Variants in BLMH observed in about 807,000 individuals in gnomAD.
BLMH encodes BLM hydrolase.
A neutral mutation model predicts 61.6 loss-of-function variants in BLMH; 32 were observed. The observed-to-expected ratio is 0.52, with a 90% CI of 0.39 to 0.70. The LOEUF is 0.70. Ranked by LOEUF, BLMH falls within the 30% of genes least tolerant of loss-of-function variation. BLMH has a pLI of 0.00. For synonymous variants in BLMH, 183 were observed against 193.8 expected (o/e 0.94, Z 0.46); for missense variants, 460 against 555.5 (o/e 0.83, Z 1.73).
chr17:30,268,642 G>A (rs1908175037), intron 10 of BLMH, among the ~76,000 whole-genome samples: 1 of 151,628 alleles, frequency 6.6e-6, no homozygotes, highest in South Asian at 2.1e-4. Context: ...CTGAAAAATA[G>A]GAGTATTCTA....
chr17:30,273,165 A>ATT (rs35833844), intron 7 of BLMH: 839 of 193,004 alleles, frequency 4.3e-3, no homozygotes, highest in Middle Eastern at 8.3e-3. Flanking sequence ...TCCAAAAGCA[A>ATT]TTTTTTTTTT....
chr17:30,255,897 A>C (rs1481274347), intron 11 of BLMH, among the ~76,000 whole-genome samples: 1 of 151,936 alleles, frequency 6.6e-6, no homozygotes, highest in Admixed American at 6.6e-5. Flanking sequence ...ACTCCGTCTC[A>C]AAAAAAAGAG....
intron 11 of BLMH, among the ~76,000 whole-genome samples, chr17:30,256,353 G>A (rs1907814583): frequency 6.6e-6 from 1 of 152,188 alleles, no homozygotes. Flanking sequence ...TTTGGAGGCA[G>A]AGTCTTGCTC....
chr17:30,263,332 T>A (rs1311185158), intron 11 of BLMH, among the ~76,000 whole-genome samples: 1 of 152,198 alleles, frequency 6.6e-6, no homozygotes, highest in Non-Finnish European at 1.5e-5. Flanking sequence ...TCCTTGATTT[T>A]AAATTCTTAA....
intron 11 of BLMH, chr17:30,252,247 G>A (rs765808529): frequency 1.4e-4 from 22 of 152,142 alleles, no homozygotes; most frequent in Non-Finnish European, 2.8e-4. Flanking sequence ...ATACTGGTAA[G>A]TCTAATTTTG....
intron 6 of BLMH, among the ~76,000 whole-genome samples, chr17:30,280,555 C>T (rs939310931): frequency 2.0e-5 from 3 of 152,154 alleles, no homozygotes; most frequent in African/African-American, 7.2e-5. Context: ...CAGCTCACTG[C>T]AGCCTTGAAC....
intron 11 of BLMH, among the ~76,000 whole-genome samples, chr17:30,258,906 T>G (rs1907885689): frequency 6.6e-6 from 1 of 152,220 alleles, no homozygotes; most frequent in Admixed American, 6.5e-5. Context: ...GCTTCACTCC[T>G]CTGACCTGTT....
At chr17:30,265,837 A>C (rs910978895) in intron 11 of BLMH, among the ~76,000 whole-genome samples, 1 of 152,206 alleles carries the variant, frequency 6.6e-6, no homozygotes, top group African/African-American at 2.4e-5. Flanking sequence ...AACCCTAAAA[A>C]TTAAAGCGTA....
chr17:30,272,775 T>C lies in BLMH; in HGVS notation c.926A>G (p.Lys309Arg). 1 of 1,614,178 alleles carries C rather than the reference T, an allele frequency of 6.2e-7. No individual in the cohort carries two copies. The highest frequency in any genetic ancestry group is 8.5e-7 in the Non-Finnish European group (1 of 1,180,028). Residue 309 changes from lysine to arginine, a missense_variant, in exon 8 of 12, where the codon AAA becomes AGA. By Grantham distance (26) the Lys-to-Arg change is conservative. Transcript: ENST00000261714. The stretch of plus-strand genomic sequence containing the variant: ...TTTGATGGAGGCAGCAACCATCTTT[T>C]TCAGGAAGTCAATGGGCTGGTTGTT... ...LYNNQPIDFL[K>R]KMVAASIKDG... is the part of the protein sequence containing the mutation.
chr17:30,273,018 C>T (rs972797670), intron 7 of BLMH, 119 bp from the exon 8 acceptor site: 77 of 1,099,678 alleles, frequency 7.0e-5, no homozygotes, highest in Non-Finnish European at 8.1e-5. Flanking sequence ...AAGCTAAGTA[C>T]TACAGCCACA....
chr17:30,249,298 C>A, intron 11 of BLMH, 130 bp from the exon 12 acceptor site: 1 of 981,912 alleles, frequency 1.0e-6, no homozygotes, highest in Non-Finnish European at 1.5e-6. Context: ...TCTGTAATTT[C>A]ATTTAATCTA....
intron 11 of BLMH, among the ~76,000 whole-genome samples, chr17:30,259,790 C>T (rs1907909618): frequency 6.6e-6 from 1 of 152,152 alleles, no homozygotes; most frequent in Non-Finnish European, 1.5e-5. Context: ...GATGCTACTG[C>T]TAATGGTTTT....
intron 2 of BLMH, among the ~76,000 whole-genome samples, chr17:30,290,160 G>A (rs1238152244): frequency 6.6e-6 from 1 of 152,196 alleles, no homozygotes; most frequent in Non-Finnish European, 1.5e-5. Flanking sequence ...ACATTTACCT[G>A]TATGTCACCT....
At chr17:30,290,580 C>T (rs1191437331) in intron 2 of BLMH, among the ~76,000 whole-genome samples, 3 of 152,220 alleles carry the variant, frequency 2.0e-5, no homozygotes, top group African/African-American at 4.8e-5. Flanking sequence ...GATGTGCTTC[C>T]TGTCCGTATA....
At chr17:30,266,997 C>A in intron 10 of BLMH, 43 bp from the exon 11 acceptor site, 1 of 1,581,374 alleles carries the variant, frequency 6.3e-7, no homozygotes. Context: ...AAGCCAGATT[C>A]TCCCTGCTGA....
At chr17:30,273,790 T>C in intron 7 of BLMH, 4 of 524,372 alleles carry the variant, frequency 7.6e-6, no homozygotes, top group Non-Finnish European at 1.3e-5. Flanking sequence ...CAGGGGCGCA[T>C]GTGGGAATTA....
chr17:30,283,552 TCA>T (rs2143036478), intron 6 of BLMH, among the ~76,000 whole-genome samples: 1 of 142,032 alleles, frequency 7.0e-6, no homozygotes, highest in African/African-American at 2.7e-5. Flanking sequence ...AGACGGAGTC[TCA>T]CTCTGTCACC....
At chr17:30,279,572 G>A (rs1908526233) in intron 6 of BLMH, among the ~76,000 whole-genome samples, 1 of 152,194 alleles carries the variant, frequency 6.6e-6, no homozygotes, top group African/African-American at 2.4e-5. Context: ...TCATAAGAAG[G>A]TGAATTATAA....
At chr17:30,251,575 A>G (rs1907668794) in intron 11 of BLMH, among the ~76,000 whole-genome samples, 1 of 152,270 alleles carries the variant, frequency 6.6e-6, no homozygotes, top group South Asian at 2.1e-4. Context: ...GTATAAACCT[A>G]GGCCTGTGCT....
Sources: gnomAD v4.1 joint callset for allele counts (sites outside exome capture counted in the v4.1 genomes callset) on GRCh38, gnomAD v4.1.1 for gene constraint, MANE v1.5 for transcripts, NCBI Gene and HGNC (gene_info 2026-07-23, HGNC 2026-07-21) for gene names.